Variants in FBLN2 observed in about 807,000 individuals in gnomAD.
FBLN2 encodes fibulin 2, also known as fibulin-2.
Under a neutral mutation model 123.7 loss-of-function variants are expected in FBLN2, and 81 were observed. The observed-to-expected ratio is 0.65, with a 90% CI of 0.55 to 0.79. The LOEUF (loss-of-function observed/expected upper bound fraction) is 0.79, where lower values mean the gene tolerates loss of function less well. FBLN2 is among the 30% of genes least tolerant of loss of function. FBLN2 has a pLI of 0.00. For synonymous variants in FBLN2, 699 were observed against 701.4 expected (o/e 1.00, Z 0.05); for missense variants, 1,603 against 1,681.3 (o/e 0.95, Z 0.81).
intron 1 of FBLN2, among the ~76,000 whole-genome samples, chr3:13,556,633 T>A (rs1333567921): frequency 6.6e-6 from 1 of 152,186 alleles, no homozygotes; most frequent in African/African-American, 2.4e-5. Flanking sequence ...AGGCAGGGTG[T>A]GGTGGGGAGG....
intron 1 of FBLN2, among the ~76,000 whole-genome samples, chr3:13,557,431 A>G (rs968980149): frequency 2.0e-5 from 3 of 152,254 alleles, no homozygotes; most frequent in African/African-American, 7.2e-5. Context: ...AAGTCATGGA[A>G]CTAAAAAAAT....
At chr3:13,588,882 G>A (rs188937396) in intron 2 of FBLN2, among the ~76,000 whole-genome samples, 2 of 152,238 alleles carry the variant, frequency 1.3e-5, no homozygotes, top group African/African-American at 2.4e-5. Flanking sequence ...GAAATTAAGC[G>A]AGAAAGAAAA....
chr3:13,627,039 C>T (rs968121842), intron 10 of FBLN2, among the ~76,000 whole-genome samples: 3 of 151,960 alleles, frequency 2.0e-5, no homozygotes, highest in Admixed American at 1.3e-4. Context: ...TACCAGGGAT[C>T]CAGGGTGGGG....
Position 13,571,665 on chromosome 3 carries a change from A to G in FBLN2, c.1306+4A>G. On this transcript the variant is annotated splice_donor_region_variant and intron_variant, in intron 2 of 17. Coordinates refer to ENST00000404922, the MANE Select transcript of FBLN2 (RefSeq NM_001004019.2). ...ATCCCCAGAAGTAGCCCTGAAGGTA[A>G]GACCCTGTCCTGGTTCCTTCAGGGC... is the stretch of plus-strand genomic sequence containing the variant. 1 of 1,581,906 alleles carries G rather than the reference A, an allele frequency of 6.3e-7. No homozygotes were observed. The highest frequency in any genetic ancestry group is 8.6e-7 in the Non-Finnish European group (1 of 1,163,942).
chr3:13,624,819 G>C (rs1705973340), intron 9 of FBLN2, among the ~76,000 whole-genome samples: 1 of 152,278 alleles, frequency 6.6e-6, no homozygotes, highest in Non-Finnish European at 1.5e-5. Context: ...GGATGGATAA[G>C]CAGGGGACTA....
At chr3:13,591,712 T>C (rs937031789) in intron 2 of FBLN2, among the ~76,000 whole-genome samples, 18 of 152,246 alleles carry the variant, frequency 1.2e-4, no homozygotes, top group African/African-American at 4.1e-4. Context: ...AGCATTGTTC[T>C]TCTTTTTCAA....
intron 1 of FBLN2, among the ~76,000 whole-genome samples, chr3:13,554,303 GC>G (rs1220179430): frequency 2.0e-5 from 3 of 152,200 alleles, no homozygotes; most frequent in Non-Finnish European, 4.4e-5. Flanking sequence ...CAGCCCTTGG[GC>G]TTGTGATCGG....
In FBLN2 at chr3:13,619,849, C is replaced by A. The variant is rs1259017867; in HGVS notation, c.2155+18C>A. The A allele has an allele frequency of 6.3e-7, 1 of 1,594,918 alleles. No individual in the cohort carries two copies. The highest frequency in any genetic ancestry group is 8.5e-7 in the Non-Finnish European group (1 of 1,171,034). ...CTGTGAAGGTGAGTGCCTTGGGGTGCCCTCCTACCTGTGCAAACCTGAGTT... is the reference window on the plus strand; with the variant it reads ...CTGTGAAGGTGAGTGCCTTGGGGTGACCTCCTACCTGTGCAAACCTGAGTT... On this transcript the variant is annotated intron_variant, in intron 8 of 17. Transcript: ENST00000404922.
intron 1 of FBLN2, among the ~76,000 whole-genome samples, chr3:13,557,019 G>T (rs530138341): frequency 6.6e-6 from 1 of 152,390 alleles, no homozygotes; most frequent in Non-Finnish European, 1.5e-5. Context: ...CACATGGCAG[G>T]AAATGTGCCC....
chr3:13,566,328 G>A (rs570647052), intron 1 of FBLN2: 3 of 152,456 alleles, frequency 2.0e-5, no homozygotes, highest in African/African-American at 4.8e-5. Context: ...TCTCTTGTAC[G>A]AGTGTCCCCA....
chr3:13,605,104 G>T (rs1193660784), intron 2 of FBLN2, among the ~76,000 whole-genome samples: 2 of 152,188 alleles, frequency 1.3e-5, no homozygotes, highest in African/African-American at 4.8e-5. Context: ...GGCCCATCAG[G>T]CTCAGAGGCA....
intron 1 of FBLN2, among the ~76,000 whole-genome samples, chr3:13,565,163 AGTGATG>A (rs1703708315): frequency 6.6e-6 from 1 of 152,194 alleles, no homozygotes; most frequent in African/African-American, 2.4e-5. Flanking sequence ...TGCACGTTCA[AGTGATG>A]GCCCTGAGTA....
intron 16 of FBLN2, among the ~76,000 whole-genome samples, chr3:13,632,124 A>T (rs1706278559): frequency 2.0e-5 from 3 of 152,196 alleles, no homozygotes; most frequent in South Asian, 2.1e-4. Flanking sequence ...AGAGAGTCGT[A>T]CTTCTAAGTT....
chr3:13,619,987 A>G (rs1424075215), intron 8 of FBLN2, among the ~76,000 whole-genome samples, 156 bp downstream of exon 8: 1 of 152,168 alleles, frequency 6.6e-6, no homozygotes, highest in Non-Finnish European at 1.5e-5. Flanking sequence ...CAGGTTAAAC[A>G]GTCACTCCCT....
At chr3:13,567,042 G>A (rs1403841389) in intron 1 of FBLN2, among the ~76,000 whole-genome samples, 2 of 152,240 alleles carry the variant, frequency 1.3e-5, no homozygotes, top group Non-Finnish European at 2.9e-5. Flanking sequence ...TCATTGCCCT[G>A]GGCCTGGAGT....
chr3:13,595,507 T>C (rs1351937467), intron 2 of FBLN2, among the ~76,000 whole-genome samples: 7 of 151,746 alleles, frequency 4.6e-5, no homozygotes, highest in Non-Finnish European at 8.8e-5. Flanking sequence ...TCCACAGACC[T>C]TCAGGTAACC....
chr3:13,568,839 G>A, intron 1 of FBLN2: 1 of 985,690 alleles, frequency 1.0e-6, no homozygotes, highest in Non-Finnish European at 1.2e-6. Context: ...CCACCCCTGA[G>A]GGTGTCAGTG....
In FBLN2 at chr3:13,570,764, G is replaced by T. The variant is rs1397477644; in HGVS notation, c.409G>T (p.Val137Leu). ...VADSCPQCGQVGCVHAGHKYA... is the reference protein window; with the variant it reads ...VADSCPQCGQLGCVHAGHKYA... ...TGACAGCTGCCCACAGTGCGGCCAG[G>T]TGGGCTGCGTCCACGCGGGCCACAA... The change falls in exon 2 of 18, where the codon GTG (valine) becomes TTG (leucine). Residue 137 changes from valine (V) to leucine (L), a missense_variant. Val to Leu is a conservative substitution (Grantham distance 32). Coordinates refer to ENST00000404922, the MANE Select transcript of FBLN2 (RefSeq NM_001004019.2). The T allele has an allele frequency of 6.2e-7, 1 of 1,601,946 alleles. No individual in the cohort carries two copies. Among genetic ancestry groups the T allele is most frequent in the Non-Finnish European group, 8.5e-7 (1 of 1,175,178 alleles).
intron 9 of FBLN2, 79 bp from the exon 10 acceptor site, chr3:13,626,366 G>T: frequency 7.1e-7 from 1 of 1,404,220 alleles, no homozygotes; most frequent in Non-Finnish European, 9.5e-7. Context: ...CTCCCTCCTG[G>T]TGGCCCAAGG....
Sources: allele counts gnomAD v4.1 joint callset (sites outside exome capture counted in the v4.1 genomes callset), GRCh38; gene constraint gnomAD v4.1.1; transcripts MANE v1.5; gene names NCBI Gene and HGNC (gene_info 2026-07-23, HGNC 2026-07-21).